The following RICTOR variants were observed in gnomAD, a reference collection of about 807,000 sequenced individuals.
RICTOR encodes the protein rapamycin-insensitive companion of mTOR.
RICTOR carries 49 observed loss-of-function variants against 214.9 expected under a neutral mutation model. The observed-to-expected ratio is 0.23, with a 90% CI of 0.18 to 0.29. The LOEUF is 0.29. Among genes scored for constraint, RICTOR ranks in the 10% least tolerant of loss-of-function variants. The pLI, the probability that RICTOR is intolerant of heterozygous loss-of-function variation, is 1.00. For synonymous variants in RICTOR, 717 were observed against 711.3 expected (o/e 1.01, Z -0.13); for missense variants, 1,625 against 2,047.0 (o/e 0.79, Z 3.98).
At chr5:39,051,758 A>T (rs1240892337) in intron 2 of RICTOR, among the ~76,000 whole-genome samples, 1 of 151,850 alleles carries the variant, frequency 6.6e-6, no homozygotes, top group Non-Finnish European at 1.5e-5. Context: ...GTCTCAAAAA[A>T]AAAAGAATGT....
chr5:38,975,944 T>G (rs1280438791), intron 9 of RICTOR, among the ~76,000 whole-genome samples: 1 of 152,198 alleles, frequency 6.6e-6, no homozygotes, highest in African/African-American at 2.4e-5. Flanking sequence ...CAAAGAAAAT[T>G]ATCACAAAAA....
rs1333861211 is a variant in RICTOR at position 38,960,013 on chromosome 5, G to A, written c.1852-35C>T. On this transcript the variant is annotated intron_variant, in intron 20 of 37. Transcript: ENST00000357387. ...AATACATTGTGATATTGTGAGAAAA[G>A]CATTCAAAATCTGTAATTAGAAAAT... 3 of 1,390,724 alleles carry A rather than the reference G, an allele frequency of 2.2e-6. No homozygotes were observed. The African/African-American group carries it at 4.3e-5, about 20-fold the overall frequency. 86.1% of individuals were successfully genotyped at this position (1,390,724 alleles called of 1,614,324 possible).
At chr5:39,011,896 T>G (rs893457293) in intron 3 of RICTOR, among the ~76,000 whole-genome samples, 20 of 152,128 alleles carry the variant, frequency 1.3e-4, no homozygotes, top group African/African-American at 4.6e-4. Flanking sequence ...CCAATGAAAC[T>G]TTGGACTTGG....
intron 6 of RICTOR, among the ~76,000 whole-genome samples, chr5:38,994,710 G>C (rs1456988533): frequency 1.7e-5 from 2 of 120,316 alleles, no homozygotes. Flanking sequence ...TTTTTGTTAT[G>C]CTATTATTTT....
chr5:39,035,606 C>A (rs1044213075), intron 2 of RICTOR, among the ~76,000 whole-genome samples: 3 of 152,106 alleles, frequency 2.0e-5, no homozygotes, highest in African/African-American at 4.8e-5. Flanking sequence ...ACTAGAATAA[C>A]CAAAGCAGAG....
chr5:39,053,685 G>T (rs957287667), intron 2 of RICTOR, among the ~76,000 whole-genome samples: 1 of 152,088 alleles, frequency 6.6e-6, no homozygotes, highest in Non-Finnish European at 1.5e-5. Flanking sequence ...GAGGTCAGGA[G>T]ATCGAGACCA....
intron 36 of RICTOR, 150 bp from the exon 37 acceptor site, chr5:38,943,121 A>C: frequency 3.8e-6 from 2 of 529,850 alleles, no homozygotes; most frequent in Non-Finnish European, 6.7e-6. Flanking sequence ...TAAAATATTA[A>C]ATATTCCTGT....
chr5:39,043,156 A>G (rs1179045047), intron 2 of RICTOR, among the ~76,000 whole-genome samples: 1 of 152,214 alleles, frequency 6.6e-6, no homozygotes, highest in Non-Finnish European at 1.5e-5. Context: ...AAATCAGCAT[A>G]TCAAAGAGAA....
rs1204816462 is a variant in RICTOR, at chr5:38,955,686, C to T, written c.2518G>A (p.Val840Ile). 1 of 1,592,360 alleles carries T rather than the reference C, an allele frequency of 6.3e-7. No homozygotes were observed. Among genetic ancestry groups the T allele is most frequent in the African/African-American group, 1.3e-5 (1 of 74,644 alleles). Residue 840 changes from valine (V) to isoleucine (I), a missense_variant, in exon 26 of 38, where the codon GTT becomes ATT. Val to Ile is a conservative substitution (Grantham distance 29). Transcript: ENST00000357387. ...TTGAGTTGTTCCTCAATCAAGTCAA[C>T]ATATTTGGAGTTGTATTCCTAGAGG... The part of the protein sequence containing the change: ...KWHREYNSKY[V>I]DLIEEQLNEA...
At chr5:38,990,799 GAT>G (rs10534988) in intron 7 of RICTOR, 148 bp downstream of exon 7, 2,085 of 90,706 alleles carry the variant, frequency 0.023, 458 homozygotes, top group African/African-American at 0.094. Flanking sequence ...TGAGATATAT[GAT>G]ATATATGAGA....
At chr5:38,944,801 G>A (rs979518859) in intron 35 of RICTOR, 112 bp downstream of exon 35, 71 of 1,073,946 alleles carry the variant, frequency 6.6e-5, no homozygotes, top group African/African-American at 6.5e-4. Context: ...TAAAATGGAC[G>A]TATTACTGTT....
chr5:38,943,855 G>A (rs1016352435), intron 36 of RICTOR, among the ~76,000 whole-genome samples: 3 of 152,032 alleles, frequency 2.0e-5, no homozygotes. Flanking sequence ...CCCTGCAGGA[G>A]ACCCTGAGGT....
chr5:39,021,073 A>G lies in RICTOR; in HGVS notation c.161T>C (p.Met54Thr). Residue 54 changes from methionine to threonine, a missense_variant, in exon 3 of 38, where the codon ATG (methionine) becomes ACG (threonine). Transcript: ENST00000357387. ...GTTATTCAGATGGCCTAGCTTTCTCATATTTGATACTCCCTGCAATCTGGC... is the reference window on the plus strand; with the variant it reads ...GTTATTCAGATGGCCTAGCTTTCTCGTATTTGATACTCCCTGCAATCTGGC... ...NVARLQGVSN[M>T]RKLGHLNNFT... The G allele has an allele frequency of 1.3e-6, 2 of 1,597,064 alleles. No homozygotes were observed. The highest frequency in any genetic ancestry group is 1.7e-6 in the Non-Finnish European group (2 of 1,164,600).
intron 8 of RICTOR, chr5:38,981,040 T>C (rs1248268422): frequency 6.6e-6 from 1 of 152,224 alleles, no homozygotes; most frequent in African/African-American, 2.4e-5. Flanking sequence ...TTAGGACTAT[T>C]ATACTAACAT....
chr5:39,041,963 A>T (rs1476170538), intron 2 of RICTOR, among the ~76,000 whole-genome samples: 1 of 146,260 alleles, frequency 6.8e-6, no homozygotes, highest in Admixed American at 6.8e-5. Context: ...AAAAAAAAAA[A>T]TTTAATATGT....
intron 8 of RICTOR, among the ~76,000 whole-genome samples, chr5:38,980,546 G>C (rs139374654): frequency 1.3e-5 from 2 of 152,128 alleles, no homozygotes; most frequent in African/African-American, 4.8e-5. Context: ...GTGATATATA[G>C]GAATAAAAAC....
intron 2 of RICTOR, among the ~76,000 whole-genome samples, chr5:39,052,664 G>A (rs1757933136): frequency 6.6e-6 from 1 of 152,158 alleles, no homozygotes; most frequent in Non-Finnish European, 1.5e-5. Context: ...TGGGGATCCT[G>A]GGGAAGATTA....
intron 5 of RICTOR, among the ~76,000 whole-genome samples, chr5:38,998,917 G>A (rs1293956489): frequency 6.6e-6 from 1 of 150,906 alleles, no homozygotes; most frequent in African/African-American, 2.4e-5. Context: ...TCGGGAGGCT[G>A]AGGCAGGAGA....
intron 25 of RICTOR, 82 bp downstream of exon 25, chr5:38,957,569 TA>T (rs905699649): frequency 5.1e-6 from 4 of 788,064 alleles, no homozygotes; most frequent in East Asian, 2.5e-5. Context: ...AACACTGATA[TA>T]AAAAAACCAT....
Sources: gnomAD v4.1 joint callset for allele counts (sites outside exome capture counted in the v4.1 genomes callset) on GRCh38, gnomAD v4.1.1 for gene constraint, MANE v1.5 for transcripts, NCBI Gene and HGNC (gene_info 2026-07-23, HGNC 2026-07-21) for gene names.